ZNF652: variants seen among roughly 807,000 people sequenced by gnomAD.
ZNF652 encodes the protein zinc finger protein 652.
Under a neutral mutation model 45.2 loss-of-function variants are expected in ZNF652, and 16 were observed. The ratio of observed to expected loss-of-function variants is 0.35; its 90% CI spans 0.24 to 0.54. The LOEUF is 0.54. Among genes scored for constraint, ZNF652 ranks in the 20% least tolerant of loss-of-function variants. The pLI is 0.91. For synonymous variants in ZNF652, 250 were observed against 260.6 expected, an observed-to-expected ratio of 0.96 and a Z score of 0.39; for missense variants, 614 against 765.6, an observed-to-expected ratio of 0.80 and a Z score of 2.34.
chr17:49,352,205 T>C (rs1393793891), intron 1 of ZNF652, among the ~76,000 whole-genome samples: 1 of 152,204 alleles, frequency 6.6e-6, no homozygotes, highest in Non-Finnish European at 1.5e-5. Flanking sequence ...ATACTACTAA[T>C]AGTGTTTGTA....
intron 1 of ZNF652, among the ~76,000 whole-genome samples, chr17:49,334,932 A>ATTC (rs2070064558): frequency 6.6e-6 from 1 of 152,230 alleles, no homozygotes; most frequent in Non-Finnish European, 1.5e-5. Flanking sequence ...AAATAGAGAC[A>ATTC]GAAAGTAAAT....
Position 49,317,593 on chromosome 17 carries a change from C to G in ZNF652, c.133G>C (p.Asp45His). The change falls in exon 2 of 6, where the codon GAC becomes CAC. Residue 45 changes from aspartate to histidine, a missense_variant. By Grantham distance (81) the Asp-to-His change is moderately conservative. Transcript: ENST00000430262. ...CTTTTGTACACTTTGGTGGACAGGT[C>G]AAGTTCTTGGTTGGCACCATGATAA... Reference protein sequence around the residue: ...SFYHGANQELDLSTKVYKRES... With the variant: ...SFYHGANQELHLSTKVYKRES... 6.2e-7 allele frequency: 1 copy of G among 1,614,064 alleles called. No individual in the cohort carries two copies.
At chr17:49,308,790 A>G in intron 5 of ZNF652, among the ~76,000 whole-genome samples, 1 of 151,528 alleles carries the variant, frequency 6.6e-6, no homozygotes, top group Non-Finnish European at 1.5e-5. Flanking sequence ...TGACAGAGCA[A>G]TAGTCCGTCT....
intron 1 of ZNF652, among the ~76,000 whole-genome samples, chr17:49,325,351 C>T (rs2069945430): frequency 2.0e-5 from 3 of 152,126 alleles, no homozygotes; most frequent in Non-Finnish European, 2.9e-5. Context: ...AGTATGAACG[C>T]ATATAACATT....
chr17:49,298,291 T>C lies in ZNF652; in HGVS notation c.*122A>G. ...CTTGGATCTGTTGATTCAGTGACAC[T>C]GGCGAAGCTCTTGGTAGAGGCGGAG... On this transcript the variant is annotated 3_prime_UTR_variant, in exon 6 of 6. Transcript: ENST00000430262. 3 of 1,248,334 alleles carry C rather than the reference T, an allele frequency of 2.4e-6. No homozygotes were observed. The highest frequency in any genetic ancestry group is 1.5e-5 in the African/African-American group (1 of 66,632). 77.3% of individuals were successfully genotyped at this position (1,248,334 alleles called of 1,614,324 possible).
At position 49,344,200 on chromosome 17, in the gene ZNF652, C is replaced by CA. The variant is rs150373947; in HGVS notation, c.-259+17708dup. ...TGGGGGACAGAGCGAGACTCCGTTT[C>CA]AAAAAAAAAAAATAATTAGCTAGGT... On this transcript the variant is annotated intron_variant, in intron 1 of 5. Transcript: ENST00000430262. 3.7e-4 allele frequency among the ~76,000 whole-genome samples: 54 copies of CA among 145,064 alleles called. No individual in the cohort carries two copies. In the South Asian group the frequency reaches 4.0e-3, roughly 11 times the overall value.
Position 49,330,839 on chromosome 17 carries a change from T to C in ZNF652, c.-258-12856A>G, listed in dbSNP as rs185202521. The stretch of plus-strand genomic sequence containing the variant: ...GCTGAGGCAGGTGGATCACCTGAGA[T>C]TGGGAGTTCGAGACCAGCCTGACCA... On this transcript the variant is annotated intron_variant, in intron 1 of 5. Transcript: ENST00000430262. Among the ~76,000 whole-genome samples the C allele has an allele frequency of 1.7e-3, 263 of 151,292 alleles. 2 individuals are homozygous for C. The highest frequency in any genetic ancestry group is 9.6e-3 in the East Asian group (48 of 5,008).
intron 2 of ZNF652, among the ~76,000 whole-genome samples, chr17:49,314,250 C>T (rs1028401028): frequency 4.0e-5 from 6 of 150,472 alleles, no homozygotes; most frequent in Admixed American, 6.6e-5. Context: ...CAACCTCCAC[C>T]GCCTGGGTTC....
At chr17:49,307,977 C>T (rs2040860) in intron 5 of ZNF652, among the ~76,000 whole-genome samples, 3,999 of 152,024 alleles carry the variant, frequency 0.026, 165 homozygotes, top group African/African-American at 0.088. Context: ...TATAAAGACC[C>T]AACATTTGTT....
At position 49,337,562 on chromosome 17, in the gene ZNF652, C is replaced by T. The variant is rs80155766; in HGVS notation, c.-258-19579G>A. On this transcript the variant is annotated intron_variant, in intron 1 of 5. Coordinates refer to ENST00000430262, the MANE Select transcript of ZNF652 (RefSeq NM_001145365.3). The stretch of plus-strand genomic sequence containing the variant: ...GTTACCCTAAATACACTGAGTTACG[C>T]TTTATGAATCTTCATGAGACATCCA... Among the ~76,000 whole-genome samples the T allele has an allele frequency of 9.2e-3, 1,398 of 152,196 alleles. 22 individuals carry two copies. The highest frequency in any genetic ancestry group is 0.032 in the African/African-American group (1,322 of 41,516).
intron 1 of ZNF652, among the ~76,000 whole-genome samples, chr17:49,332,494 CCT>C (rs1313188287): frequency 1.3e-5 from 2 of 152,106 alleles, no homozygotes; most frequent in Non-Finnish European, 2.9e-5. Flanking sequence ...ATATACAAAT[CCT>C]CTCTCTCCCA....
chr17:49,359,009 C>T (rs2070366211), intron 1 of ZNF652, among the ~76,000 whole-genome samples: 1 of 152,132 alleles, frequency 6.6e-6, no homozygotes, highest in Non-Finnish European at 1.5e-5. Context: ...GTTCTCACAA[C>T]CGTATATGTT....
rs2069463580 is a variant in ZNF652 at position 49,295,699 on chromosome 17, G to A, written c.*2714C>T. The A allele has an allele frequency of 6.6e-6, 1 of 151,842 alleles. No individual in the cohort carries two copies. Among genetic ancestry groups the A allele is most frequent in the Non-Finnish European group, 1.5e-5 (1 of 67,982 alleles). 9.4% of individuals were successfully genotyped at this position (151,842 alleles called of 1,614,324 possible). ...TCACGCCTGTAATCCCAGCACTTTC[G>A]GAGGCTGAGGTGGGCGGATCACAAG... On this transcript the variant is annotated 3_prime_UTR_variant, in exon 6 of 6. Transcript: ENST00000430262.
rs2069832722 is a variant in ZNF652, at chr17:49,317,855, A to G, written c.-130T>C. ...CAAATGAAAAAAAGATATTCCTGGA[A>G]ACTGTGTGCAATTCTTCCAGTGTTG... is the stretch of plus-strand genomic sequence containing the variant. On this transcript the variant is annotated 5_prime_UTR_variant, in exon 2 of 6. Transcript: ENST00000430262. 3.8e-6 allele frequency: 4 copies of G among 1,051,622 alleles called. No homozygotes were observed. The allele number at this position is 1,051,622 out of a possible 1,614,324, so 65.1% of individuals were successfully genotyped here.
At chr17:49,328,045 TG>T (rs1367389745) in intron 1 of ZNF652, among the ~76,000 whole-genome samples, 1 of 152,034 alleles carries the variant, frequency 6.6e-6, no homozygotes, top group Non-Finnish European at 1.5e-5. Context: ...TACTTCTTTA[TG>T]TCTCATTTTC....
chr17:49,348,719 A>G (rs2070238546), intron 1 of ZNF652, among the ~76,000 whole-genome samples: 1 of 152,106 alleles, frequency 6.6e-6, no homozygotes. Context: ...TTTTATAAAT[A>G]ATATGATGTC....
In ZNF652 at chr17:49,294,228, TA is replaced by T. The variant is rs2069442178; in HGVS notation, c.*4184del. Among the ~76,000 whole-genome samples the T allele has an allele frequency of 6.6e-6, 1 of 152,184 alleles. No individual in the cohort carries two copies. The highest frequency in any genetic ancestry group is 1.5e-5 in the Non-Finnish European group (1 of 68,016). On this transcript the variant is annotated 3_prime_UTR_variant, in exon 6 of 6. Coordinates refer to ENST00000430262, the MANE Select transcript of ZNF652 (RefSeq NM_001145365.3). ...ATCAGAGCATTTTGCTTTCGGTTAG[TA>T]TATGAGGGACAATCAAATTATAGGG... is the stretch of plus-strand genomic sequence containing the variant.
At chr17:49,332,181 T>C (rs916533228) in intron 1 of ZNF652, among the ~76,000 whole-genome samples, 1 of 151,452 alleles carries the variant, frequency 6.6e-6, no homozygotes, top group Non-Finnish European at 1.5e-5. Flanking sequence ...GGCAGGAGAG[T>C]TGCTTGAACA....
At chr17:49,300,627 T>C (rs1355367987) in intron 5 of ZNF652, among the ~76,000 whole-genome samples, 1 of 152,168 alleles carries the variant, frequency 6.6e-6, no homozygotes, top group Non-Finnish European at 1.5e-5. Context: ...CGGTGAACCA[T>C]ACGCTTGTAC....
Sources: gnomAD v4.1 joint callset for allele counts (sites outside exome capture counted in the v4.1 genomes callset) on GRCh38, gnomAD v4.1.1 for gene constraint, MANE v1.5 for transcripts, NCBI Gene and HGNC (gene_info 2026-07-23, HGNC 2026-07-21) for gene names.